GABRG3: variants seen among roughly 807,000 people sequenced by gnomAD.
The protein encoded by GABRG3 is gamma-aminobutyric acid type A receptor subunit gamma3, also known as gamma-aminobutyric acid receptor subunit gamma-3.
A neutral mutation model predicts 48.8 loss-of-function variants in GABRG3; 25 were observed. The observed-to-expected ratio is 0.51, with a 90% CI of 0.37 to 0.72. The LOEUF is 0.72. Ranked by LOEUF, GABRG3 falls within the 30% of genes least tolerant of loss-of-function variation. The pLI, the probability that GABRG3 is intolerant of heterozygous loss-of-function variation, is 0.00. For missense variants in GABRG3, 394 were observed against 577.9 expected, an observed-to-expected ratio of 0.68 and a Z score of 3.26; for synonymous variants, 227 against 217.6, an observed-to-expected ratio of 1.04 and a Z score of -0.38.
chr15:27,540,367 T>C lies in GABRG3; in HGVS notation c.*7486T>C, dbSNP rs1891637699. 6.6e-6 allele frequency: 1 copy of C among 152,232 alleles called. No individual in the cohort carries two copies. The highest frequency in any genetic ancestry group is 6.5e-5 in the Admixed American group (1 of 15,280). The allele number at this position is 152,232 out of a possible 1,614,324, so 9.4% of individuals were successfully genotyped here. A position where few individuals can be genotyped will look rare whatever the true frequency, so the allele number is the denominator to read the frequency against. On this transcript the variant is annotated 3_prime_UTR_variant, in exon 10 of 10. Coordinates refer to ENST00000615808, the MANE Select transcript of GABRG3 (RefSeq NM_033223.5). ...AACTATCTTTTTTCACTAAAATACA[T>C]GCATCTTTGGAAACTGCAAATTTTG...
intron 5 of GABRG3, chr15:27,340,793 G>A (rs1894146137): frequency 5.5e-6 from 1 of 182,006 alleles, no homozygotes; most frequent in Non-Finnish European, 1.2e-5. Flanking sequence ...TACTGATGGG[G>A]CAGACAAACC....
intron 3 of GABRG3, among the ~76,000 whole-genome samples, chr15:27,124,260 A>G (rs531802304): frequency 2.0e-5 from 3 of 152,322 alleles, no homozygotes; most frequent in South Asian, 2.1e-4. Context: ...CATTGGAACA[A>G]CAGTGGTAAG....
intron 2 of GABRG3, among the ~76,000 whole-genome samples, chr15:26,994,885 C>T (rs898841903): frequency 3.0e-4 from 45 of 151,974 alleles, no homozygotes; most frequent in Admixed American, 2.4e-3. Context: ...AGCCATGCTC[C>T]GTCCCCTAAA....
chr15:27,065,984 C>T (rs904327776), intron 3 of GABRG3, among the ~76,000 whole-genome samples: 2 of 152,218 alleles, frequency 1.3e-5, no homozygotes, highest in African/African-American at 4.8e-5. Flanking sequence ...AGGAAGATGA[C>T]ATTTGCCTCC....
chr15:27,469,163 T>C (rs1450434204), intron 5 of GABRG3, among the ~76,000 whole-genome samples: 1 of 152,180 alleles, frequency 6.6e-6, no homozygotes, highest in African/African-American at 2.4e-5. Context: ...CATGCCTCTG[T>C]TAATCCAATG....
chr15:27,321,172 T>A (rs527698998), intron 3 of GABRG3, among the ~76,000 whole-genome samples: 12 of 152,374 alleles, frequency 7.9e-5, no homozygotes, highest in African/African-American at 2.9e-4. Flanking sequence ...CCTCCTTGTC[T>A]GCAGGTGTCT....
At chr15:27,332,062 T>G (rs143951726) in intron 5 of GABRG3, among the ~76,000 whole-genome samples, 7 of 152,358 alleles carry the variant, frequency 4.6e-5, no homozygotes, top group Admixed American at 4.6e-4. Context: ...GATTCACTAT[T>G]CATAAATGAG....
In GABRG3 at chr15:27,236,532, C is replaced by T. The variant is rs1169726263; in HGVS notation, c.271-90277C>T. 6.6e-6 allele frequency among the ~76,000 whole-genome samples: 1 copy of T among 152,200 alleles called. No individual in the cohort carries two copies. Among genetic ancestry groups the T allele is most frequent in the Non-Finnish European group, 1.5e-5 (1 of 68,030 alleles). On this transcript the variant is annotated intron_variant, in intron 3 of 9. Coordinates refer to ENST00000615808, the MANE Select transcript of GABRG3 (RefSeq NM_033223.5). This position sits in a 1 kb window ranked among gnomAD's most constrained non-coding sequence, Gnocchi z 4.4. ...CCAGCTCTGGAAAACAAGAAATGAA[C>T]AACTTATCCCTTTATCGCCCTTAGC...
chr15:27,004,142 C>A (rs1815451627), intron 2 of GABRG3, among the ~76,000 whole-genome samples: 1 of 151,620 alleles, frequency 6.6e-6, no homozygotes, highest in African/African-American at 2.4e-5. Context: ...CCCCCACCTC[C>A]CTCCCGGACG....
intron 3 of GABRG3, among the ~76,000 whole-genome samples, chr15:27,084,083 G>A (rs1897035989): frequency 6.6e-6 from 1 of 152,194 alleles, no homozygotes; most frequent in African/African-American, 2.4e-5. Context: ...GGTCCCAGTA[G>A]GCAAACGTTT....
At chr15:27,233,801 A>G (rs765809316) in intron 3 of GABRG3, among the ~76,000 whole-genome samples, 17 of 152,370 alleles carry the variant, frequency 1.1e-4, no homozygotes, top group Admixed American at 3.9e-4. Flanking sequence ...TAGGATACCA[A>G]TAGAAAGTAG....
chr15:27,135,379 T>G (rs1391159682), intron 3 of GABRG3, among the ~76,000 whole-genome samples: 1 of 152,198 alleles, frequency 6.6e-6, no homozygotes, highest in Non-Finnish European at 1.5e-5. Context: ...GCTGTTCTTA[T>G]GTGCTTGAAA....
chr15:27,019,064 T>G (rs1895834831), intron 2 of GABRG3, among the ~76,000 whole-genome samples: 1 of 119,924 alleles, frequency 8.3e-6, no homozygotes, highest in Non-Finnish European at 1.7e-5. Context: ...TCTTTTTTTT[T>G]TTTTTTTTTT....
chr15:27,372,652 G>A (rs1196625776), intron 5 of GABRG3, among the ~76,000 whole-genome samples: 6 of 152,064 alleles, frequency 3.9e-5, no homozygotes, highest in South Asian at 4.2e-4. Flanking sequence ...TTGGCCTTCC[G>A]AAGTACTAGG....
chr15:27,059,993 C>G (rs1019677286), intron 3 of GABRG3, among the ~76,000 whole-genome samples: 4 of 152,124 alleles, frequency 2.6e-5, no homozygotes, highest in African/African-American at 9.7e-5. Context: ...TTATTATAAC[C>G]TTTAGTAATG....
At chr15:27,453,244 C>T (rs970427099) in intron 5 of GABRG3, among the ~76,000 whole-genome samples, 20 of 152,158 alleles carry the variant, frequency 1.3e-4, no homozygotes, top group African/African-American at 3.6e-4. Context: ...CAATAATGTA[C>T]ACCTGGAATT....
chr15:27,231,729 C>A (rs1889807172), intron 3 of GABRG3, among the ~76,000 whole-genome samples: 1 of 152,076 alleles, frequency 6.6e-6, no homozygotes. Flanking sequence ...TTTATTTATT[C>A]ATTTGTTTGA....
intron 3 of GABRG3, among the ~76,000 whole-genome samples, chr15:27,219,068 T>G (rs1889363092): frequency 6.6e-6 from 1 of 152,170 alleles, no homozygotes; most frequent in Non-Finnish European, 1.5e-5. Context: ...CCTGGCCTTC[T>G]CCTCTGGCTA....
intron 5 of GABRG3, among the ~76,000 whole-genome samples, chr15:27,369,527 T>C (rs1203668250): frequency 6.6e-6 from 1 of 152,090 alleles, no homozygotes; most frequent in East Asian, 1.9e-4. Context: ...ACTATGAAAT[T>C]ATGGTATTGG....
Sources: allele counts gnomAD v4.1 joint callset (sites outside exome capture counted in the v4.1 genomes callset), GRCh38; gene constraint gnomAD v4.1.1; non-coding constraint Gnocchi (gnomAD v3.1); transcripts MANE v1.5; gene names NCBI Gene and HGNC (gene_info 2026-07-23, HGNC 2026-07-21).